The following NPAS2 variants were observed in gnomAD, a reference collection of about 807,000 sequenced individuals.
NPAS2 encodes neuronal PAS domain-containing protein 2.
In NPAS2, 23 loss-of-function variants were observed where a neutral mutation model predicts 107.5. That is an observed-to-expected ratio of 0.21 (90% CI 0.15 to 0.30). The LOEUF is 0.30. NPAS2 is among the 10% of genes least tolerant of loss of function. The pLI is 1.00. For missense variants in NPAS2, 756 were observed against 1,043.3 expected (o/e 0.72, Z 3.79); for synonymous variants, 403 against 417.5 (o/e 0.97, Z 0.42).
At chr2:100,995,089 A>G (rs1321616125) in intron 20 of NPAS2, 3 of 359,808 alleles carry the variant, frequency 8.3e-6, no homozygotes, top group Non-Finnish European at 1.5e-5. Flanking sequence ...TTGTGGCTAC[A>G]TGTAGATCAT....
Position 100,820,213 on chromosome 2 carries a change from G to T in NPAS2, c.-224G>T. On this transcript the variant is annotated 5_prime_UTR_variant, in exon 1 of 21. Transcript: ENST00000335681. This position sits in a 1 kb window ranked among gnomAD's most constrained non-coding sequence, Gnocchi z 5.6. ...AGGGACCCGCGCGGCTGCGGCCCAG[G>T]AGCGGCGGCCGCGGAGCCCGGAGAC... The T allele has an allele frequency of 6.7e-6, 1 of 150,132 alleles. No homozygotes were observed. The highest frequency in any genetic ancestry group is 1.8e-4 in the South Asian group (1 of 5,514). The allele number at this position is 150,132 out of a possible 1,614,324, so 9.3% of individuals were successfully genotyped here. A position where few individuals can be genotyped will look rare whatever the true frequency, so the allele number is the denominator to read the frequency against.
intron 5 of NPAS2, among the ~76,000 whole-genome samples, chr2:100,940,169 G>A (rs1318377425): frequency 2.0e-5 from 3 of 152,198 alleles, no homozygotes; most frequent in Non-Finnish European, 2.9e-5. Context: ...GCAGAGGAGC[G>A]GATCTGGGAG....
intron 1 of NPAS2, among the ~76,000 whole-genome samples, chr2:100,857,242 G>A (rs920764678): frequency 1.3e-5 from 2 of 148,824 alleles, no homozygotes; most frequent in African/African-American, 2.5e-5. Flanking sequence ...AGGTTGCAGT[G>A]AGCCGAGATC....
intron 15 of NPAS2, among the ~76,000 whole-genome samples, chr2:100,981,279 G>T (rs79742173): frequency 1.9e-3 from 293 of 152,250 alleles, no homozygotes; most frequent in African/African-American, 6.7e-3. Flanking sequence ...GCTAGAGATT[G>T]AGGGAGTGGA....
rs1331824044 is a variant in NPAS2, at chr2:100,976,292, G to A, written c.1392+725G>A. On this transcript the variant is annotated intron_variant, in intron 14 of 20. Transcript: ENST00000335681. The surrounding 1 kb of genome is among the most constrained non-coding windows in gnomAD (Gnocchi z 4.1). ...TGGCTGAGGGCTGGGCTCAGCTGAG[G>A]CCATCCGTCATTGACTTGCATGGGC... 2.0e-5 allele frequency among the ~76,000 whole-genome samples: 3 copies of A among 152,076 alleles called. No homozygotes were observed. The highest frequency in any genetic ancestry group is 4.4e-5 in the Non-Finnish European group (3 of 68,014).
At chr2:100,893,255 A>G (rs1013044070) in intron 1 of NPAS2, among the ~76,000 whole-genome samples, 1 of 152,230 alleles carries the variant, frequency 6.6e-6, no homozygotes, top group South Asian at 2.1e-4. Flanking sequence ...CCAAAACGAC[A>G]TGAGGTCCCC....
intron 2 of NPAS2, among the ~76,000 whole-genome samples, chr2:100,909,126 AT>A (rs1229300089): frequency 1.3e-5 from 2 of 152,198 alleles, no homozygotes; most frequent in African/African-American, 4.8e-5. Context: ...GGGTAGTTTA[AT>A]GACATGGACC....
intron 1 of NPAS2, among the ~76,000 whole-genome samples, chr2:100,843,131 A>G (rs1677548208): frequency 6.6e-6 from 1 of 151,786 alleles, no homozygotes; most frequent in African/African-American, 2.4e-5. Context: ...AGGCAGGAGG[A>G]TCGCTTGAAC....
intron 1 of NPAS2, among the ~76,000 whole-genome samples, chr2:100,850,953 CAA>C (rs148858541): frequency 8.6e-3 from 360 of 41,794 alleles, no homozygotes; most frequent in African/African-American, 0.035. Flanking sequence ...AACTCTGTCT[CAA>C]AAAAAAAAAA....
chr2:100,922,564 C>A (rs1683298418), intron 2 of NPAS2, among the ~76,000 whole-genome samples: 1 of 152,096 alleles, frequency 6.6e-6, no homozygotes, highest in Non-Finnish European at 1.5e-5. Flanking sequence ...GCCTGGGCAA[C>A]AAGAGTGAGA....
intron 1 of NPAS2, among the ~76,000 whole-genome samples, chr2:100,865,528 C>A (rs1184932930): frequency 1.3e-5 from 2 of 152,172 alleles, no homozygotes; most frequent in South Asian, 2.1e-4. Flanking sequence ...TGTAGGACAC[C>A]TTTGCTCAAG....
chr2:100,923,244 G>T (rs1683350000), intron 2 of NPAS2, among the ~76,000 whole-genome samples: 1 of 152,134 alleles, frequency 6.6e-6, no homozygotes, highest in Non-Finnish European at 1.5e-5. Flanking sequence ...GAACAGACAG[G>T]GAGGAGGGGA....
rs1192277109 is a variant in NPAS2, at chr2:100,968,599, C to G, written c.1055+171C>G. On this transcript the variant is annotated intron_variant, in intron 11 of 20. Transcript: ENST00000335681. The surrounding 1 kb of genome is among the most constrained non-coding windows in gnomAD (Gnocchi z 5.3). Reference sequence around the variant, plus strand: ...CGTTAACAGCACAATTCCCAGAGCTCAGCTCGCTTCCAGGCACCACTGGCT... The same window carrying G: ...CGTTAACAGCACAATTCCCAGAGCTGAGCTCGCTTCCAGGCACCACTGGCT... Among the ~76,000 whole-genome samples the G allele has an allele frequency of 6.6e-6, 1 of 152,156 alleles. No individual in the cohort carries two copies. Among genetic ancestry groups the G allele is most frequent in the East Asian group, 1.9e-4 (1 of 5,182 alleles).
At chr2:100,945,282 A>ACACTGACTGCAGGCAGGGAGGGG (rs1350998352) in intron 5 of NPAS2, among the ~76,000 whole-genome samples, 2 of 152,116 alleles carry the variant, frequency 1.3e-5, no homozygotes, top group African/African-American at 4.8e-5. Context: ...ACCCACCGGA[A>ACACTGACTGCAGGCAGGGAGGGG]CACTGACTGC....
At chr2:100,855,905 C>T (rs147060890) in intron 1 of NPAS2, among the ~76,000 whole-genome samples, 48 of 152,272 alleles carry the variant, frequency 3.2e-4, no homozygotes, top group African/African-American at 1.1e-3. Context: ...TCAGCCCACT[C>T]AGCTTGAATG....
chr2:100,951,999 A>C (rs1265884341), intron 7 of NPAS2, among the ~76,000 whole-genome samples: 1 of 151,970 alleles, frequency 6.6e-6, no homozygotes, highest in African/African-American at 2.4e-5. Flanking sequence ...AATACAAAAA[A>C]TTAGCTGGGC....
At chr2:100,923,401 G>T (rs1683361534) in intron 2 of NPAS2, among the ~76,000 whole-genome samples, 1 of 152,178 alleles carries the variant, frequency 6.6e-6, no homozygotes, top group Admixed American at 6.5e-5. Flanking sequence ...TGAAATAAAG[G>T]CAGGTTGTGT....
In NPAS2 at chr2:100,995,700, G is replaced by A. The variant is rs577576959; in HGVS notation, c.*118G>A. ...CCTGGCTTTTGTGCACACTGCATAC[G>A]TTTCAGAACTCCTGGATGGTAACCA... On this transcript the variant is annotated 3_prime_UTR_variant, in exon 21 of 21. Transcript: ENST00000335681. The A allele has an allele frequency of 1.2e-5, 19 of 1,549,624 alleles. No homozygotes were observed. The highest frequency in any genetic ancestry group is 9.6e-5 in the African/African-American group (7 of 73,194).
chr2:100,923,797 C>T (rs184352462), intron 2 of NPAS2, among the ~76,000 whole-genome samples: 20 of 152,318 alleles, frequency 1.3e-4, no homozygotes, highest in African/African-American at 4.1e-4. Context: ...CCTTCAAATA[C>T]GTGGATTGTT....
Sources: gnomAD v4.1 joint callset for allele counts (sites outside exome capture counted in the v4.1 genomes callset) on GRCh38, gnomAD v4.1.1 for gene constraint, Gnocchi (gnomAD v3.1) non-coding constraint, MANE v1.5 for transcripts, NCBI Gene and HGNC (gene_info 2026-07-23, HGNC 2026-07-21) for gene names.